GOLGA3: variants seen among roughly 807,000 people sequenced by gnomAD.
GOLGA3 encodes the protein golgin subfamily A member 3.
In GOLGA3, 75 loss-of-function variants were observed where a neutral mutation model predicts 169.4. The observed-to-expected ratio is 0.44, with a 90% confidence interval of 0.37 to 0.54. The LOEUF is 0.54. Ranked by LOEUF, GOLGA3 falls within the 20% of genes least tolerant of loss-of-function variation. GOLGA3 has a pLI of 0.00. For missense variants in GOLGA3, 1,899 were observed against 1,930.0 expected, an observed-to-expected ratio of 0.98 and a Z score of 0.30; for synonymous variants, 824 against 822.4, an observed-to-expected ratio of 1.00 and a Z score of -0.03.
intron 1 of GOLGA3, among the ~76,000 whole-genome samples, chr12:132,822,774 T>C (rs975870749): frequency 6.6e-6 from 1 of 151,950 alleles, no homozygotes; most frequent in African/African-American, 2.4e-5. Flanking sequence ...ATACAAAAAA[T>C]AGCCGGGTGT....
rs1235848993 is a variant in GOLGA3 at position 132,777,081 on chromosome 12, C to T, written c.3732G>A (p.Glu1244=). ...QAEADDLQIR[E]GKHSQEIAQF... The stretch of plus-strand genomic sequence containing the variant: ...GTGCTATCTCCTGGGAATGTTTCCC[C>T]TCCCGAATCCTAGCGTAAAAAAACA... The change falls in exon 20 of 24, where the codon GAG becomes GAA. Residue 1244 remains glutamate (E), a synonymous_variant. Coordinates refer to ENST00000450791, the MANE Select transcript of GOLGA3 (RefSeq NM_001389683.1). The surrounding 1 kb of genome is among the most constrained non-coding windows in gnomAD (Gnocchi z 4.7). The T allele has an allele frequency of 4.4e-6, 7 of 1,588,634 alleles. No individual in the cohort carries two copies. The highest frequency in any genetic ancestry group is 2.2e-5 in the East Asian group (1 of 44,648).
At chr12:132,803,345 A>T (rs1949226238) in intron 7 of GOLGA3, among the ~76,000 whole-genome samples, 1 of 152,170 alleles carries the variant, frequency 6.6e-6, no homozygotes, top group Admixed American at 6.5e-5. Flanking sequence ...ACACTTAGGA[A>T]ATCTGTGAAA....
chr12:132,825,734 A>C, intron 1 of GOLGA3: 1 of 1,546,658 alleles, frequency 6.5e-7, no homozygotes, highest in East Asian at 2.2e-5. Flanking sequence ...TGCCTACCAA[A>C]AGCAGCCGAC....
chr12:132,778,718 A>AACCCCATCTCT, intron 18 of GOLGA3, among the ~76,000 whole-genome samples: 1 of 151,692 alleles, frequency 6.6e-6, no homozygotes. Context: ...AATATGGTGA[A>AACCCCATCTCT]ACCCCATCTC....
Position 132,776,761 on chromosome 12 carries a change from AGAG to A in GOLGA3, c.3856-8_3856-6del. 6.2e-7 allele frequency: 1 copy of A among 1,613,808 alleles called. No homozygotes were observed. The highest frequency in any genetic ancestry group is 8.5e-7 in the Non-Finnish European group (1 of 1,179,922). On this transcript the variant is annotated splice_polypyrimidine_tract_variant and splice_region_variant and intron_variant, in intron 20 of 23. Transcript: ENST00000450791. ...CTCCCATTTGAGATTTTCCATCTAA[AGAG>A]GGGAAAGTCACATGGCCAAAAGAAT...
intron 6 of GOLGA3, 47 bp downstream of exon 6, chr12:132,807,130 C>T: frequency 8.6e-7 from 1 of 1,168,868 alleles, no homozygotes; most frequent in South Asian, 1.3e-5. Flanking sequence ...GCCACACATG[C>T]TTTCCGACTT....
intron 18 of GOLGA3, among the ~76,000 whole-genome samples, chr12:132,780,137 C>T (rs2045509658): frequency 7.1e-6 from 1 of 141,214 alleles, no homozygotes; most frequent in South Asian, 2.3e-4. Context: ...ACCCCAGGCA[C>T]ACGTGTGTAC....
intron 3 of GOLGA3, among the ~76,000 whole-genome samples, chr12:132,814,579 C>T (rs554513456): frequency 4.6e-5 from 7 of 152,350 alleles, no homozygotes; most frequent in East Asian, 1.9e-4. Flanking sequence ...TCCGCTCTGA[C>T]GCACAGCTCA....
chr12:132,786,554 C>T lies in GOLGA3; in HGVS notation c.2908G>A (p.Ala970Thr). 1 of 1,613,446 alleles carries T rather than the reference C, an allele frequency of 6.2e-7. No individual in the cohort carries two copies. Among genetic ancestry groups the T allele is most frequent in the Non-Finnish European group, 8.5e-7 (1 of 1,179,720 alleles). The change falls in exon 15 of 24, where the codon GCC becomes ACC. Residue 970 changes from alanine (A) to threonine (T), a missense_variant and splice_region_variant. Coordinates refer to ENST00000450791, the MANE Select transcript of GOLGA3 (RefSeq NM_001389683.1). Reference sequence around the variant, plus strand: ...ATCTTCTGCTTCTGTTCCGTGATGGCCCTGGGGTGTCATGAGGGAGACACA... The same window carrying T: ...ATCTTCTGCTTCTGTTCCGTGATGGTCCTGGGGTGTCATGAGGGAGACACA... ...IEELQQEARKAITEQKQKMRR... is the reference protein window; with the variant it reads ...IEELQQEARKTITEQKQKMRR...
intron 3 of GOLGA3, among the ~76,000 whole-genome samples, chr12:132,815,830 C>A (rs540153051): frequency 5.3e-5 from 8 of 152,320 alleles, no homozygotes; most frequent in African/African-American, 1.4e-4. Flanking sequence ...ACCTGGGAGG[C>A]AGAGGCTGCA....
At chr12:132,826,351 GC>G (rs1950416078) in intron 1 of GOLGA3, among the ~76,000 whole-genome samples, 1 of 152,000 alleles carries the variant, frequency 6.6e-6, no homozygotes, top group Non-Finnish European at 1.5e-5. Context: ...ACTGGACTCA[GC>G]CATTACAGGT....
At chr12:132,825,837 CA>C in intron 1 of GOLGA3, 1 of 1,050,860 alleles carries the variant, frequency 9.5e-7, no homozygotes, top group South Asian at 1.3e-5. Context: ...GGCTTCAAGA[CA>C]CCCAAAGAGG....
At chr12:132,817,193 C>A (rs1949997936) in intron 2 of GOLGA3, among the ~76,000 whole-genome samples, 1 of 143,966 alleles carries the variant, frequency 6.9e-6, no homozygotes, top group African/African-American at 2.6e-5. Flanking sequence ...CCCTCCACAC[C>A]TCCACGCTCT....
intron 12 of GOLGA3, among the ~76,000 whole-genome samples, chr12:132,790,641 AG>A (rs1227392873): frequency 6.6e-6 from 1 of 152,178 alleles, no homozygotes; most frequent in African/African-American, 2.4e-5. Flanking sequence ...TGAGCACAAC[AG>A]GGTATGCTGA....
intron 15 of GOLGA3, among the ~76,000 whole-genome samples, chr12:132,785,439 C>T (rs1224175247): frequency 1.3e-5 from 2 of 152,180 alleles, no homozygotes; most frequent in Non-Finnish European, 2.9e-5. Context: ...GTGTCTCAAG[C>T]ATCTGTGTCC....
At chr12:132,824,681 T>C (rs1380927202) in intron 1 of GOLGA3, among the ~76,000 whole-genome samples, 1 of 152,186 alleles carries the variant, frequency 6.6e-6, no homozygotes, top group Non-Finnish European at 1.5e-5. Flanking sequence ...CAATCTCATG[T>C]TTGCGTCTAT....
At chr12:132,815,792 T>G (rs1439874434) in intron 3 of GOLGA3, among the ~76,000 whole-genome samples, 1 of 152,102 alleles carries the variant, frequency 6.6e-6, no homozygotes, top group African/African-American at 2.4e-5. Context: ...CCAAGCTACT[T>G]GACAGCAGAG....
At chr12:132,818,407 C>A (rs968545807) in intron 2 of GOLGA3, among the ~76,000 whole-genome samples, 2 of 152,164 alleles carry the variant, frequency 1.3e-5, no homozygotes, top group Non-Finnish European at 2.9e-5. Flanking sequence ...TTACAGGTGC[C>A]CACCACCACA....
rs1593210961 is a variant in GOLGA3, at chr12:132,772,970, T to C, written c.*135A>G. 1.6e-6 allele frequency: 1 copy of C among 627,532 alleles called. No individual in the cohort carries two copies. Among genetic ancestry groups the C allele is most frequent in the East Asian group, 3.1e-5 (1 of 32,292 alleles). 38.9% of individuals were successfully genotyped at this position (627,532 alleles called of 1,614,324 possible). On this transcript the variant is annotated 3_prime_UTR_variant, in exon 24 of 24. Transcript: ENST00000450791. ...CTAGTCCTTGGCTCTCATTCTGCTA[T>C]ATATTTTACTTCTTGTTAAAGGCAA...
Sources: allele counts gnomAD v4.1 joint callset (sites outside exome capture counted in the v4.1 genomes callset), GRCh38; gene constraint gnomAD v4.1.1; non-coding constraint Gnocchi (gnomAD v3.1); transcripts MANE v1.5; gene names NCBI Gene and HGNC (gene_info 2026-07-23, HGNC 2026-07-21).